The following FOXO3 variants were observed in gnomAD, a reference collection of about 807,000 sequenced individuals.
FOXO3 encodes forkhead box protein O3.
A neutral mutation model predicts 41.9 loss-of-function variants in FOXO3; 4 were observed. The observed-to-expected ratio is 0.10, with a 90% confidence interval of 0.05 to 0.22. The LOEUF (loss-of-function observed/expected upper bound fraction) is 0.22, where lower values mean the gene tolerates loss of function less well. Ranked by LOEUF, FOXO3 falls within the 10% of genes least tolerant of loss-of-function variation. FOXO3 has a pLI of 1.00. For missense variants in FOXO3, 534 were observed against 906.8 expected (o/e 0.59, Z 5.28); for synonymous variants, 318 against 389.3 (o/e 0.82, Z 2.16).
chr6:108,632,364 G>A (rs957002231), intron 1 of FOXO3, among the ~76,000 whole-genome samples: 1 of 152,086 alleles, frequency 6.6e-6, no homozygotes, highest in Non-Finnish European at 1.5e-5. Flanking sequence ...GACTGCCCAC[G>A]AAGCCTGTGG....
rs1366585435 is a variant in FOXO3, at chr6:108,663,774, A to G, written c.941A>G (p.Asn314Ser). Residue 314 changes from asparagine (N) to serine (S), a missense_variant, in exon 2 of 3, where the codon AAT becomes AGT. Physicochemically the swap from Asn to Ser is conservative, Grantham distance 46. Around this residue, in one of 8 missense-constraint regions of FOXO3, gnomAD observed 185 missense variants for 224.9 expected, o/e 0.82. Coordinates refer to ENST00000406360, the MANE Select transcript of FOXO3 (RefSeq NM_001455.4). ...DAWTDFRSRT[N>S]SNASTVSGRL... is the part of the protein sequence containing the mutation. ...TGGACGGACTTCCGTTCACGCACCAATTCTAACGCCAGCACAGTCAGTGGC... is the reference window on the plus strand; with the variant it reads ...TGGACGGACTTCCGTTCACGCACCAGTTCTAACGCCAGCACAGTCAGTGGC... The G allele has an allele frequency of 2.5e-6, 4 of 1,613,960 alleles. No homozygotes were observed. Among genetic ancestry groups the G allele is most frequent in the South Asian group, 1.1e-5 (1 of 91,068 alleles).
At chr6:108,564,537 G>A (rs1404971062) in intron 1 of FOXO3, among the ~76,000 whole-genome samples, 1 of 152,180 alleles carries the variant, frequency 6.6e-6, no homozygotes, top group Non-Finnish European at 1.5e-5. Flanking sequence ...TAAAGGGCAC[G>A]GTATGCAGGG....
intron 1 of FOXO3, among the ~76,000 whole-genome samples, chr6:108,609,052 G>A (rs1450539526): frequency 3.3e-5 from 5 of 152,108 alleles, no homozygotes; most frequent in African/African-American, 4.8e-5. Flanking sequence ...GGTTGGTTTC[G>A]CCTTAATCCA....
intron 2 of FOXO3, among the ~76,000 whole-genome samples, chr6:108,675,840 A>G (rs1292864158): frequency 6.6e-6 from 1 of 152,232 alleles, no homozygotes; most frequent in East Asian, 1.9e-4. Context: ...CCCAGAAGAT[A>G]AAAACACTAC....
At chr6:108,631,090 C>T (rs975209037) in intron 1 of FOXO3, among the ~76,000 whole-genome samples, 1 of 152,136 alleles carries the variant, frequency 6.6e-6, no homozygotes, top group Non-Finnish European at 1.5e-5. Flanking sequence ...AAGTCTGGAA[C>T]TTACTTTATC....
In FOXO3 at chr6:108,680,404, G is replaced by A. The variant is rs1234599590; in HGVS notation, c.*612G>A. On this transcript the variant is annotated 3_prime_UTR_variant, in exon 3 of 3. Coordinates refer to ENST00000406360, the MANE Select transcript of FOXO3 (RefSeq NM_001455.4). Reference sequence around the variant, plus strand: ...GGGATTTTCTTTCTTCTTTTGTTTGGTAGAAAATTATCCTTTTCTAAAAAC... The same window carrying A: ...GGGATTTTCTTTCTTCTTTTGTTTGATAGAAAATTATCCTTTTCTAAAAAC... 2.0e-5 allele frequency: 3 copies of A among 152,346 alleles called. No homozygotes were observed. Among genetic ancestry groups the A allele is most frequent in the African/African-American group, 7.2e-5 (3 of 41,440 alleles). 9.4% of individuals were successfully genotyped at this position (152,346 alleles called of 1,614,324 possible). A position where few individuals can be genotyped will look rare whatever the true frequency, so the allele number is the denominator to read the frequency against.
chr6:108,577,715 G>A (rs1180621799), intron 1 of FOXO3, among the ~76,000 whole-genome samples: 3 of 152,214 alleles, frequency 2.0e-5, no homozygotes, highest in African/African-American at 4.8e-5. Context: ...GATTTTGGCT[G>A]TGGAAGTTAT....
intron 1 of FOXO3, among the ~76,000 whole-genome samples, chr6:108,637,855 G>A (rs1172854240): frequency 3.3e-5 from 5 of 152,126 alleles, no homozygotes; most frequent in African/African-American, 9.7e-5. Flanking sequence ...TTAGAAGGTA[G>A]CCATTTATCA....
intron 1 of FOXO3, among the ~76,000 whole-genome samples, chr6:108,567,280 T>C (rs1032918077): frequency 6.6e-6 from 1 of 152,148 alleles, no homozygotes; most frequent in African/African-American, 2.4e-5. Flanking sequence ...GCTTTGGAGA[T>C]GCAAAACCAC....
At chr6:108,641,757 TG>T (rs1224776093) in intron 1 of FOXO3, among the ~76,000 whole-genome samples, 1 of 152,078 alleles carries the variant, frequency 6.6e-6, no homozygotes, top group Non-Finnish European at 1.5e-5. Context: ...TCCTCAAGCC[TG>T]TGGTGTATGT....
chr6:108,606,223 A>G (rs974022598), intron 1 of FOXO3, among the ~76,000 whole-genome samples: 1 of 152,202 alleles, frequency 6.6e-6, no homozygotes, highest in African/African-American at 2.4e-5. Flanking sequence ...CTTGTCAGTT[A>G]ATGCCTAATT....
At chr6:108,665,067 G>C (rs536885859) in intron 2 of FOXO3, among the ~76,000 whole-genome samples, 178 bp downstream of exon 2, 1 of 152,302 alleles carries the variant, frequency 6.6e-6, no homozygotes, top group South Asian at 2.1e-4. Context: ...AAACCAAATA[G>C]GGCTGTCAGG....
At chr6:108,581,331 G>T (rs1776414632) in intron 1 of FOXO3, among the ~76,000 whole-genome samples, 1 of 152,104 alleles carries the variant, frequency 6.6e-6, no homozygotes, top group Non-Finnish European at 1.5e-5. Flanking sequence ...GGGGGTTGAG[G>T]AGCATGGAAG....
intron 1 of FOXO3, 33 bp from the exon 2 acceptor site, chr6:108,663,422 G>A: frequency 2.5e-6 from 4 of 1,571,986 alleles, no homozygotes; most frequent in Non-Finnish European, 2.6e-6. Context: ...GACCATTCTG[G>A]TTCATACTCT....
intron 1 of FOXO3, among the ~76,000 whole-genome samples, chr6:108,571,872 G>A (rs952067424): frequency 6.6e-5 from 10 of 152,310 alleles, no homozygotes; most frequent in African/African-American, 2.4e-4. Context: ...TGCAGATGGA[G>A]AAGAATAAAA....
rs1168762920 is a variant in FOXO3 at position 108,663,691 on chromosome 6, C to T, written c.858C>T (p.Ser286=). 1.2e-6 allele frequency: 2 copies of T among 1,613,266 alleles called. No homozygotes were observed. The highest frequency in any genetic ancestry group is 2.2e-5 in the East Asian group (1 of 44,846). The change falls in exon 2 of 3, where the codon TCC becomes TCT. Residue 286 remains serine (S), a synonymous_variant. Coordinates refer to ENST00000406360, the MANE Select transcript of FOXO3 (RefSeq NM_001455.4). ...CCGAATCAGCTGACGACAGTCCCTC[C>T]CAGCTCTCCAAGTGGCCTGGCAGCC... ...TAPESADDSP[S]QLSKWPGSPT...
intron 1 of FOXO3, among the ~76,000 whole-genome samples, chr6:108,610,118 C>G (rs1179881465): frequency 6.6e-6 from 1 of 152,088 alleles, no homozygotes; most frequent in Non-Finnish European, 1.5e-5. Context: ...ACAGGCTTTA[C>G]AATGGCTATT....
Position 108,663,897 on chromosome 6 carries a change from C to T in FOXO3, c.1064C>T (p.Ser355Leu). The T allele has an allele frequency of 1.2e-6, 2 of 1,614,216 alleles. No individual in the cohort carries two copies. The highest frequency in any genetic ancestry group is 1.7e-6 in the Non-Finnish European group (2 of 1,180,032). ...CTCTACAGCAGCTCAGCCAGCCTGT[C>T]ACCTTCAGTAAGCAAGCCGTGCACG... ...PMLYSSSASL[S>L]PSVSKPCTVE... The change falls in exon 2 of 3, where the codon TCA becomes TTA. Residue 355 changes from serine (S) to leucine (L), a missense_variant. Ser to Leu is a moderately radical substitution (Grantham distance 145, BLOSUM62 -2). Transcript: ENST00000406360.
At chr6:108,662,764 A>G (rs1478555352) in intron 1 of FOXO3, among the ~76,000 whole-genome samples, 1 of 152,216 alleles carries the variant, frequency 6.6e-6, no homozygotes, top group Non-Finnish European at 1.5e-5. Flanking sequence ...TGCAAAGTGC[A>G]GGGGACAGAG....
Sources: allele counts gnomAD v4.1 joint callset (sites outside exome capture counted in the v4.1 genomes callset), GRCh38; gene constraint gnomAD v4.1.1; regional missense constraint gnomAD v4.1.1; transcripts MANE v1.5; gene names NCBI Gene and HGNC (gene_info 2026-07-23, HGNC 2026-07-21).